The following NOC3L variants were observed in gnomAD, a reference collection of about 807,000 sequenced individuals.
The protein encoded by NOC3L is nucleolar complex protein 3 homolog.
A neutral mutation model predicts 102.5 loss-of-function variants in NOC3L; 85 were observed. The observed-to-expected ratio is 0.83, with a 90% CI of 0.70 to 0.99. The LOEUF is 0.99. NOC3L is among the 50% of genes least tolerant of loss of function. The probability of loss-of-function intolerance (pLI) is 0.00; values close to 1 mark genes in which losing one functional copy is unlikely to be tolerated. For synonymous variants in NOC3L, 303 were observed against 309.4 expected (o/e 0.98, Z 0.22); for missense variants, 878 against 914.9 (o/e 0.96, Z 0.52).
rs1238025182 is a variant in NOC3L at position 94,349,400 on chromosome 10, T to C, written c.1129-22A>G. ...ATATCTGAAAAATAAAATGTCATAC[T>C]TAACCAGTGTTTCTCAACCTTAGCA... On this transcript the variant is annotated intron_variant, in intron 9 of 20. Coordinates refer to ENST00000371361, the MANE Select transcript of NOC3L (RefSeq NM_022451.11). The C allele has an allele frequency of 4.5e-6, 7 of 1,564,990 alleles. 1 individual carries two copies. The Middle Eastern group carries it at 5.1e-4, about 114-fold the overall frequency.
chr10:94,331,100 G>A (rs1366620130), downstream of NOC3L: 1 of 152,228 alleles, frequency 6.6e-6, no homozygotes, highest in African/African-American at 2.4e-5. Context: ...TTCTTTTCAT[G>A]TCATCATTAG....
chr10:94,317,245 A>T, the NOC3L span, among the ~76,000 whole-genome samples: 1 of 152,032 alleles, frequency 6.6e-6, no homozygotes, highest in Admixed American at 6.6e-5. Flanking sequence ...ACAGAACAAG[A>T]CTCTGTCTCA....
At chr10:94,325,021 AAGG>A in the NOC3L span, 274 of 1,614,162 alleles carry the variant, frequency 1.7e-4, 2 homozygotes, top group South Asian at 2.8e-3. Context: ...TATCCAAACC[AAGG>A]AGGAGAAACC....
intron 14 of NOC3L, 55 bp from the exon 15 acceptor site, chr10:94,340,551 C>T: frequency 6.9e-7 from 1 of 1,439,052 alleles, no homozygotes; most frequent in Non-Finnish European, 9.6e-7. Flanking sequence ...ATGGTAATTG[C>T]CATTTATAGC....
the NOC3L span, among the ~76,000 whole-genome samples, chr10:94,319,803 C>T: frequency 6.7e-5 from 10 of 150,058 alleles, no homozygotes; most frequent in Non-Finnish European, 1.5e-4. Flanking sequence ...TAACCTGTGG[C>T]TTCGAACTAA....
At chr10:94,351,044 T>A (rs1378585814) in intron 8 of NOC3L, among the ~76,000 whole-genome samples, 1 of 152,134 alleles carries the variant, frequency 6.6e-6, no homozygotes, top group African/African-American at 2.4e-5. Context: ...GCATTTTTTT[T>A]AAATGACATA....
In NOC3L at chr10:94,358,160, C is replaced by A; in HGVS notation, c.273G>T (p.Met91Ile). Residue 91 changes from methionine (M) to isoleucine (I), a missense_variant, in exon 3 of 21, where the codon ATG becomes ATT. Transcript: ENST00000371361. ...EEEEEALPLD[M>I]MDEDDLQLMK... ...TTAACTGTAAGTCATCTTCATCCAT[C>A]ATATCTAAAGGAAGGGCTTCTTCTT... is the stretch of plus-strand genomic sequence containing the variant. The A allele has an allele frequency of 1.2e-6, 2 of 1,611,162 alleles. No individual in the cohort carries two copies. The highest frequency in any genetic ancestry group is 1.1e-5 in the South Asian group (1 of 91,024).
At chr10:94,337,742 C>A in intron 19 of NOC3L, 35 bp downstream of exon 19, 1 of 1,412,600 alleles carries the variant, frequency 7.1e-7, no homozygotes. Flanking sequence ...CAGCTCAATT[C>A]TGTAGTTTTA....
chr10:94,338,578 C>CA, intron 18 of NOC3L, 30 bp downstream of exon 18: 1 of 1,467,070 alleles, frequency 6.8e-7, no homozygotes, highest in Non-Finnish European at 9.1e-7. Context: ...CAAACATCCC[C>CA]AAAAAGAAAA....
chr10:94,317,076 C>T, the NOC3L span, among the ~76,000 whole-genome samples: 1 of 151,962 alleles, frequency 6.6e-6, no homozygotes, highest in Non-Finnish European at 1.5e-5. Context: ...CATGGCGAAA[C>T]CCCATCTCTA....
At chr10:94,339,587 T>C (rs1411995761) in intron 17 of NOC3L, 152 bp downstream of exon 17, 3 of 670,352 alleles carry the variant, frequency 4.5e-6, no homozygotes, top group Non-Finnish European at 4.8e-6. Context: ...TTTTTTTCAA[T>C]TTTATATACC....
downstream of NOC3L, chr10:94,328,553 G>A (rs1235916859): frequency 1.3e-5 from 2 of 152,256 alleles, no homozygotes; most frequent in Non-Finnish European, 2.9e-5. Flanking sequence ...ACAACTAAGA[G>A]AAGAGAACTG....
chr10:94,347,086 T>C (rs2133996498), intron 10 of NOC3L, among the ~76,000 whole-genome samples: 1 of 152,304 alleles, frequency 6.6e-6, no homozygotes, highest in Admixed American at 6.5e-5. Flanking sequence ...ACAGCAAACT[T>C]CGCATACTCA....
rs766561563 is a variant in NOC3L at position 94,350,140 on chromosome 10, G to A, written c.1101C>T (p.Val367=). 1.2e-6 allele frequency: 2 copies of A among 1,613,976 alleles called. No individual in the cohort carries two copies. Among genetic ancestry groups the A allele is most frequent in the African/African-American group, 2.7e-5 (2 of 74,894 alleles). The stretch of plus-strand genomic sequence containing the variant: ...ATTTTGACATGTCATTCATGAGAGG[G>A]ACAATCAATACGATGATGTTGTTGT... ...NFHNNIIVLI[V]PLMNDMSKLI... is the part of the protein sequence containing the mutation. Residue 367 remains valine, a synonymous_variant, in exon 9 of 21, where the codon GTC becomes GTT. Transcript: ENST00000371361.
the NOC3L span, chr10:94,328,157 G>T: frequency 3.3e-6 from 1 of 305,408 alleles, no homozygotes; most frequent in East Asian, 8.0e-5. Flanking sequence ...ATGAAGCCCA[G>T]GGGACTGCCA....
chr10:94,334,612 A>G, intron 20 of NOC3L, 22 bp downstream of exon 20: 2 of 1,576,114 alleles, frequency 1.3e-6, no homozygotes, highest in Non-Finnish European at 1.7e-6. Context: ...CTTCCTTTAA[A>G]AAAATGAAAA....
chr10:94,334,194 T>C lies in NOC3L; in HGVS notation c.2386A>G (p.Lys796Glu), dbSNP rs767235942. 13 of 1,524,750 alleles carry C rather than the reference T, an allele frequency of 8.5e-6. No individual in the cohort carries two copies. The highest frequency in any genetic ancestry group is 1.0e-5 in the Non-Finnish European group (11 of 1,099,476). The allele number at this position is 1,524,750 out of a possible 1,614,324, so 94.5% of individuals were successfully genotyped here. ...ESPLDFTKYLKTSLH is the reference protein window; with the variant it reads ...ESPLDFTKYLETSLH ...TTCCTCTACTAGTGTAGTGATGTTTTCAAATATTTCGTGAAATCCAGAGGC... is the reference window on the plus strand; with the variant it reads ...TTCCTCTACTAGTGTAGTGATGTTTCCAAATATTTCGTGAAATCCAGAGGC... Residue 796 changes from lysine to glutamate, a missense_variant, in exon 21 of 21, where the codon AAA (lysine) becomes GAA (glutamate). Coordinates refer to ENST00000371361, the MANE Select transcript of NOC3L (RefSeq NM_022451.11).
At chr10:94,335,009 C>T (rs1221989191) in intron 19 of NOC3L, among the ~76,000 whole-genome samples, 1 of 152,132 alleles carries the variant, frequency 6.6e-6, no homozygotes, top group Non-Finnish European at 1.5e-5. Context: ...AAATCCCAAC[C>T]CACTGATAAT....
chr10:94,361,672 C>A lies in NOC3L; in HGVS notation c.210G>T (p.Lys70Asn). ...TGATGTTTTCACAATTACCTGGTCGCTTTTCCTTTGGGTTCTCCAATGGAA... is the reference window on the plus strand; with the variant it reads ...TGATGTTTTCACAATTACCTGGTCGATTTTCCTTTGGGTTCTCCAATGGAA... Reference protein sequence around the residue: ...KPIPLENPKEKRPGKRIEREE... With the variant: ...KPIPLENPKENRPGKRIEREE... Residue 70 changes from lysine to asparagine, a missense_variant, in exon 2 of 21, where the codon AAG becomes AAT. Physicochemically the swap from Lys to Asn is moderately conservative, Grantham distance 94. Transcript: ENST00000371361. 2 of 1,613,298 alleles carry A rather than the reference C, an allele frequency of 1.2e-6. No homozygotes were observed. Among genetic ancestry groups the A allele is most frequent in the Non-Finnish European group, 1.7e-6 (2 of 1,179,704 alleles).
Sources: allele counts gnomAD v4.1 joint callset (sites outside exome capture counted in the v4.1 genomes callset), GRCh38; gene constraint gnomAD v4.1.1; transcripts MANE v1.5; gene names NCBI Gene and HGNC (gene_info 2026-07-23, HGNC 2026-07-21).